Variants in NKAIN3 observed in about 807,000 individuals in gnomAD.
NKAIN3 encodes the protein sodium/potassium-transporting ATPase subunit beta-1-interacting protein 3.
In NKAIN3, 25 loss-of-function variants were observed where a neutral mutation model predicts 30.2. That is an observed-to-expected ratio of 0.83 (90% CI 0.60 to 1.16). NKAIN3 has a LOEUF of 1.16. Ranked by LOEUF, NKAIN3 falls within the 50% of genes most tolerant of loss-of-function variation. The pLI is 0.00. For synonymous variants in NKAIN3, 91 were observed against 89.6 expected (o/e 1.02, Z -0.09); for missense variants, 225 against 254.1 (o/e 0.89, Z 0.78).
At chr8:62,599,780 T>A (rs1185405599) in intron 3 of NKAIN3, among the ~76,000 whole-genome samples, 2 of 152,048 alleles carry the variant, frequency 1.3e-5, no homozygotes, top group African/African-American at 4.8e-5. Context: ...CTTTTTGACA[T>A]ACATCTGCAG....
chr8:62,901,638 A>C (rs1476722342), intron 4 of NKAIN3, among the ~76,000 whole-genome samples: 2 of 152,130 alleles, frequency 1.3e-5, no homozygotes, highest in Non-Finnish European at 1.5e-5. Flanking sequence ...GCCACATTTC[A>C]CTAGGTAGGA....
chr8:62,617,857 T>G (rs568719812), intron 3 of NKAIN3, among the ~76,000 whole-genome samples: 13 of 152,320 alleles, frequency 8.5e-5, no homozygotes, highest in African/African-American at 2.6e-4. Flanking sequence ...CTGTCTTATC[T>G]AGGCAGAGGG....
At position 62,485,052 on chromosome 8, in the gene NKAIN3, T is replaced by A. The variant is rs114322346; in HGVS notation, c.55-94487T>A. Among the ~76,000 whole-genome samples, 1,025 of 152,328 alleles carry A rather than the reference T, an allele frequency of 6.7e-3. 9 individuals are homozygous for A. Among genetic ancestry groups the A allele is most frequent in the African/African-American group, 0.023 (976 of 41,566 alleles). On this transcript the variant is annotated intron_variant, in intron 1 of 6. Transcript: ENST00000623646. ...GATTCAACAGGAACTGCATAGTCCC[T>A]GACTGTCAGGAACAACAGAGCCCTG...
chr8:62,863,532 A>C, intron 4 of NKAIN3: 1 of 1,367,636 alleles, frequency 7.3e-7, no homozygotes, highest in East Asian at 2.3e-5. Context: ...TTGATGATCC[A>C]GTTGAGGAGA....
At chr8:62,653,091 G>A (rs1292328558) in intron 3 of NKAIN3, among the ~76,000 whole-genome samples, 1 of 152,154 alleles carries the variant, frequency 6.6e-6, no homozygotes, top group South Asian at 2.1e-4. Flanking sequence ...TCTTCTCTGT[G>A]TTGGGTACTA....
intron 1 of NKAIN3, among the ~76,000 whole-genome samples, chr8:62,283,280 A>AT (rs11337110): frequency 3.4e-4 from 51 of 150,454 alleles, no homozygotes; most frequent in East Asian, 1.2e-3. Flanking sequence ...TTACGTGGCT[A>AT]TTTTTTTTTT....
chr8:62,364,905 TCAATTAAAATATA>T (rs1816691763), intron 1 of NKAIN3, among the ~76,000 whole-genome samples: 1 of 149,604 alleles, frequency 6.7e-6, no homozygotes, highest in South Asian at 2.1e-4. Context: ...CTTGCCTCAA[TCAATTAAAATATA>T]CATTTGTTAA....
chr8:62,537,365 T>C (rs1307708469), intron 1 of NKAIN3, among the ~76,000 whole-genome samples: 1 of 152,172 alleles, frequency 6.6e-6, no homozygotes, highest in East Asian at 1.9e-4. Context: ...TGCCTTTATT[T>C]AAATTTCACA....
At chr8:62,381,643 A>G (rs1385313533) in intron 1 of NKAIN3, among the ~76,000 whole-genome samples, 2 of 152,138 alleles carry the variant, frequency 1.3e-5, no homozygotes, top group African/African-American at 2.4e-5. Context: ...GTTTCATTGA[A>G]TAGACTCACT....
In NKAIN3 at chr8:62,978,264, T is replaced by C. The variant is rs959016893; in HGVS notation, c.*12857T>C. 6.6e-6 allele frequency: 1 copy of C among 152,456 alleles called. No individual in the cohort carries two copies. The highest frequency in any genetic ancestry group is 1.5e-5 in the Non-Finnish European group (1 of 68,214). 9.4% of individuals were successfully genotyped at this position (152,456 alleles called of 1,614,324 possible). A position where few individuals can be genotyped will look rare whatever the true frequency, so the allele number is the denominator to read the frequency against. Reference sequence around the variant, plus strand: ...TGCTGTGCTAGGAGATCTGCTGCTCTCTTCAGAGCTGGCAGGTGGGAATGT... The same window carrying C: ...TGCTGTGCTAGGAGATCTGCTGCTCCCTTCAGAGCTGGCAGGTGGGAATGT... On this transcript the variant is annotated 3_prime_UTR_variant, in exon 7 of 7. Transcript: ENST00000623646.
At chr8:62,892,986 T>C (rs1387968926) in intron 4 of NKAIN3, among the ~76,000 whole-genome samples, 2 of 152,154 alleles carry the variant, frequency 1.3e-5, no homozygotes, top group Non-Finnish European at 1.5e-5. Flanking sequence ...AAAGTGTATA[T>C]CAGTATAAAA....
At chr8:62,887,432 A>G (rs1217342087) in intron 4 of NKAIN3, among the ~76,000 whole-genome samples, 1 of 152,056 alleles carries the variant, frequency 6.6e-6, no homozygotes, top group African/African-American at 2.4e-5. Flanking sequence ...CTCTTCAGTC[A>G]TTGTTACTGC....
chr8:62,751,814 C>CTGTGTGTGTGTGTG (rs3032932), intron 4 of NKAIN3, among the ~76,000 whole-genome samples: 5,891 of 146,604 alleles, frequency 0.04, 278 homozygotes, highest in African/African-American at 0.11. Context: ...TACTAAAAAA[C>CTGTGTGTGTGTGTG]TGTGTGTGTG....
At chr8:62,397,033 G>A (rs546375059) in intron 1 of NKAIN3, among the ~76,000 whole-genome samples, 1 of 152,116 alleles carries the variant, frequency 6.6e-6, no homozygotes, top group Non-Finnish European at 1.5e-5. Context: ...GATATGTGGG[G>A]TGTTCTTTGG....
At chr8:62,336,848 T>G (rs1171458128) in intron 1 of NKAIN3, among the ~76,000 whole-genome samples, 1 of 151,994 alleles carries the variant, frequency 6.6e-6, no homozygotes, top group Non-Finnish European at 1.5e-5. Flanking sequence ...AGTTTTTTGG[T>G]GAAGGGCCAG....
chr8:62,256,710 C>T (rs150065950), intron 1 of NKAIN3, among the ~76,000 whole-genome samples: 1 of 152,196 alleles, frequency 6.6e-6, no homozygotes, highest in East Asian at 1.9e-4. Flanking sequence ...CAGATAGAAG[C>T]CCCAGGAGGA....
chr8:62,286,147 AATACAACAGAATATTAT>A (rs1813372779), intron 1 of NKAIN3, among the ~76,000 whole-genome samples: 1 of 152,184 alleles, frequency 6.6e-6, no homozygotes, highest in South Asian at 2.1e-4. Flanking sequence ...CAGATATCTG[AATACAACAGAATATTAT>A]CATTGGGCCA....
At chr8:62,683,326 G>A (rs1020747125) in intron 3 of NKAIN3, among the ~76,000 whole-genome samples, 4 of 152,122 alleles carry the variant, frequency 2.6e-5, no homozygotes, top group Admixed American at 6.5e-5. Flanking sequence ...GAGCCACCAC[G>A]CCTGGCCACT....
At position 62,965,512 on chromosome 8, in the gene NKAIN3, TTTTGGTCACAGCC is replaced by T. The variant is rs1231989206; in HGVS notation, c.*110_*122del. On this transcript the variant is annotated 3_prime_UTR_variant, in exon 7 of 7. Coordinates refer to ENST00000623646, the MANE Select transcript of NKAIN3 (RefSeq NM_001304533.3). ...TGGCTTTCCCACGAATCATGGAGCA[TTTTGGTCACAGCC>T]TTTGTATTATTAGCATTGTTCTCTA... 1 of 985,416 alleles carries T rather than the reference TTTTGGTCACAGCC, an allele frequency of 1.0e-6. No individual in the cohort carries two copies. The highest frequency in any genetic ancestry group is 1.7e-5 in the African/African-American group (1 of 57,146). The allele number at this position is 985,416 out of a possible 1,614,324, so 61.0% of individuals were successfully genotyped here.
Sources: gnomAD v4.1 joint callset for allele counts (sites outside exome capture counted in the v4.1 genomes callset) on GRCh38, gnomAD v4.1.1 for gene constraint, MANE v1.5 for transcripts, NCBI Gene and HGNC (gene_info 2026-07-23, HGNC 2026-07-21) for gene names.